ME1: variants seen among roughly 807,000 people sequenced by gnomAD.
ME1 encodes NADP-dependent malic enzyme.
Under a neutral mutation model 66.4 loss-of-function variants are expected in ME1, and 74 were observed. That is an observed-to-expected ratio of 1.11 (90% CI 0.92 to 1.35). The LOEUF (loss-of-function observed/expected upper bound fraction) is 1.35. ME1 is among the 40% of genes most tolerant of loss of function. ME1 has a pLI of 0.00. For synonymous variants in ME1, 251 were observed against 235.6 expected, an observed-to-expected ratio of 1.07 and a Z score of -0.60; for missense variants, 750 against 694.1, an observed-to-expected ratio of 1.08 and a Z score of -0.90.
At chr6:83,429,130 G>T (rs1440824070) in intron 1 of ME1, among the ~76,000 whole-genome samples, 2 of 152,156 alleles carry the variant, frequency 1.3e-5, no homozygotes, top group African/African-American at 2.4e-5. Flanking sequence ...GGGCATGGTG[G>T]CGGGCGCTTG....
intron 3 of ME1, among the ~76,000 whole-genome samples, chr6:83,366,166 G>A (rs1367576301): frequency 6.6e-6 from 1 of 152,170 alleles, no homozygotes; most frequent in Non-Finnish European, 1.5e-5. Context: ...AACTAAGCCT[G>A]AGAACTATCT....
At chr6:83,280,789 T>C (rs1767274200) in intron 6 of ME1, among the ~76,000 whole-genome samples, 2 of 152,306 alleles carry the variant, frequency 1.3e-5, no homozygotes, top group Admixed American at 6.5e-5. Context: ...TAGGTATTAG[T>C]TGATATAACT....
chr6:83,243,659 T>A (rs1201431211), intron 7 of ME1, among the ~76,000 whole-genome samples: 1 of 121,994 alleles, frequency 8.2e-6, no homozygotes, highest in African/African-American at 3.4e-5. Context: ...TAATCTATTA[T>A]AATTACATTA....
chr6:83,359,929 C>T (rs113571257), intron 3 of ME1, among the ~76,000 whole-genome samples: 2,512 of 152,294 alleles, frequency 0.016, 40 homozygotes, highest in Non-Finnish European at 0.025. Flanking sequence ...AACCTTCAAA[C>T]GCAAGGTGGG....
At chr6:83,295,940 C>T (rs1265453197) in intron 6 of ME1, among the ~76,000 whole-genome samples, 2 of 152,030 alleles carry the variant, frequency 1.3e-5, no homozygotes, top group Admixed American at 6.6e-5. Context: ...AATTCCTGGA[C>T]ATATAAACTC....
chr6:83,395,350 G>A (rs575484137), intron 3 of ME1, among the ~76,000 whole-genome samples: 1 of 151,828 alleles, frequency 6.6e-6, no homozygotes, highest in African/African-American at 2.4e-5. Flanking sequence ...GCCTCCCAAA[G>A]TCCTGGAATT....
chr6:83,216,761 G>T lies in ME1; in HGVS notation c.1450-165C>A, dbSNP rs112182338. Among the ~76,000 whole-genome samples, 253 of 152,240 alleles carry T rather than the reference G, an allele frequency of 1.7e-3. 1 individual carries two copies. Among genetic ancestry groups the T allele is most frequent in the African/African-American group, 5.8e-3 (242 of 41,544 alleles). On this transcript the variant is annotated intron_variant, in intron 12 of 13. Transcript: ENST00000369705. ...CCCACTTCTATCAACAAAGAAATAAGCCCAGAGTGGTGTGGTGGTGGTTGA... is the reference window on the plus strand; with the variant it reads ...CCCACTTCTATCAACAAAGAAATAATCCCAGAGTGGTGTGGTGGTGGTTGA...
At chr6:83,359,899 G>A (rs1768975712) in intron 3 of ME1, among the ~76,000 whole-genome samples, 1 of 152,200 alleles carries the variant, frequency 6.6e-6, no homozygotes, top group African/African-American at 2.4e-5. Flanking sequence ...TGAGGTGGCA[G>A]GGGCCAAGTG....
At chr6:83,258,705 C>A (rs376356653) in intron 6 of ME1, among the ~76,000 whole-genome samples, 1 of 152,074 alleles carries the variant, frequency 6.6e-6, no homozygotes, top group East Asian at 1.9e-4. Context: ...ATTCTGTCAG[C>A]AACCCAGTGA....
chr6:83,424,248 A>G (rs574610694), intron 1 of ME1, among the ~76,000 whole-genome samples: 6 of 152,338 alleles, frequency 3.9e-5, no homozygotes, highest in East Asian at 1.9e-4. Context: ...TAAGATCTCT[A>G]TATTTCAATT....
At chr6:83,224,701 A>AAAC (rs1224622553) in intron 11 of ME1, among the ~76,000 whole-genome samples, 1 of 120,272 alleles carries the variant, frequency 8.3e-6, no homozygotes, top group Non-Finnish European at 1.7e-5. Context: ...AAAAAAATAA[A>AAAC]AATAATAATA....
chr6:83,348,923 G>T (rs1768740277), intron 4 of ME1, among the ~76,000 whole-genome samples: 1 of 144,578 alleles, frequency 6.9e-6, no homozygotes, highest in Non-Finnish European at 1.5e-5. Flanking sequence ...GGCGGAGGTT[G>T]CAGTGAGCAG....
rs1768932391 is a variant in ME1, at chr6:83,358,002, CCTGA to C, written c.363-5867_363-5864del. Among the ~76,000 whole-genome samples the C allele has an allele frequency of 5.9e-5, 7 of 119,100 alleles. No individual in the cohort carries two copies. The South Asian group carries it at 1.7e-3, about 29-fold the overall frequency. The allele number at this position is 119,100 out of a possible 152,430, so 78.1% of individuals were successfully genotyped here. A position where few individuals can be genotyped will look rare whatever the true frequency, so the allele number is the denominator to read the frequency against. ...CATTAGTTCTGTCCCTCTAGAGAAC[CCTGA>C]CTAATTCAGATTTAGTTCTGTCCCT... On this transcript the variant is annotated intron_variant, in intron 3 of 13. Coordinates refer to ENST00000369705, the MANE Select transcript of ME1 (RefSeq NM_002395.6).
chr6:83,330,511 A>G (rs1476767571), intron 5 of ME1, among the ~76,000 whole-genome samples: 1 of 152,216 alleles, frequency 6.6e-6, no homozygotes, highest in East Asian at 1.9e-4. Context: ...AAAATTCTGC[A>G]TTCTTAACAC....
At chr6:83,327,395 T>G (rs1315298137) in intron 5 of ME1, among the ~76,000 whole-genome samples, 1 of 152,194 alleles carries the variant, frequency 6.6e-6, no homozygotes, top group Non-Finnish European at 1.5e-5. Flanking sequence ...ACCGAATTCT[T>G]TTTCTCAGCA....
intron 1 of ME1, among the ~76,000 whole-genome samples, chr6:83,420,638 G>A (rs1363040343): frequency 6.6e-6 from 1 of 152,168 alleles, no homozygotes; most frequent in Non-Finnish European, 1.5e-5. Flanking sequence ...ATATAAAAGA[G>A]GTTATTGTGC....
chr6:83,418,767 A>C (rs1161589910), intron 1 of ME1, among the ~76,000 whole-genome samples: 5 of 152,238 alleles, frequency 3.3e-5, no homozygotes, highest in African/African-American at 1.2e-4. Flanking sequence ...AGAGCTTAAC[A>C]GGATATTATA....
intron 7 of ME1, among the ~76,000 whole-genome samples, chr6:83,248,225 C>G (rs1300134041): frequency 6.6e-6 from 1 of 152,168 alleles, no homozygotes; most frequent in African/African-American, 2.4e-5. Context: ...TTCCTATTAA[C>G]TCTGCATGAT....
chr6:83,314,008 G>A (rs1029189263), intron 6 of ME1, among the ~76,000 whole-genome samples: 2 of 152,130 alleles, frequency 1.3e-5, no homozygotes, highest in Non-Finnish European at 2.9e-5. Context: ...AACCAGAAGT[G>A]CATCTCTAGT....
Sources: gnomAD v4.1 joint callset for allele counts (sites outside exome capture counted in the v4.1 genomes callset) on GRCh38, gnomAD v4.1.1 for gene constraint, MANE v1.5 for transcripts, NCBI Gene and HGNC (gene_info 2026-07-23, HGNC 2026-07-21) for gene names.